Variants in CD200R1L observed in about 807,000 individuals in gnomAD.
CD200R1L encodes CD200 receptor 1 like, also known as cell surface glycoprotein CD200 receptor 2.
Under a neutral mutation model 24.8 loss-of-function variants are expected in CD200R1L, and 14 were observed. The ratio of observed to expected loss-of-function variants is 0.56; its 90% CI spans 0.37 to 0.88. The LOEUF (loss-of-function observed/expected upper bound fraction) is 0.88. Among genes scored for constraint, CD200R1L ranks in the 40% least tolerant of loss-of-function variants. The pLI, the probability that CD200R1L is intolerant of heterozygous loss-of-function variation, is 0.00. For missense variants in CD200R1L, 299 were observed against 297.8 expected, an observed-to-expected ratio of 1.00 and a Z score of -0.03; for synonymous variants, 111 against 109.2, an observed-to-expected ratio of 1.02 and a Z score of -0.11.
chr3:112,816,905 C>T (rs563757528), intron 7 of CD200R1L, among the ~76,000 whole-genome samples: 2 of 152,256 alleles, frequency 1.3e-5, no homozygotes, highest in African/African-American at 4.8e-5. Context: ...CTCTCTTTGC[C>T]TGTCACCATG....
chr3:112,826,892 G>C (rs1020584036), intron 6 of CD200R1L, 101 bp downstream of exon 6: 67 of 1,339,058 alleles, frequency 5.0e-5, no homozygotes, highest in Admixed American at 7.2e-5. Flanking sequence ...TTTCAAGCTA[G>C]GAGCTCAAAT....
At chr3:112,830,063 C>A (rs956507274) in intron 3 of CD200R1L, among the ~76,000 whole-genome samples, 2 of 152,192 alleles carry the variant, frequency 1.3e-5, no homozygotes, top group African/African-American at 4.8e-5. Context: ...TCTTACACAC[C>A]ACAGCTCTAT....
At chr3:112,836,872 A>G (rs1453143069) in intron 3 of CD200R1L, among the ~76,000 whole-genome samples, 1 of 152,206 alleles carries the variant, frequency 6.6e-6, no homozygotes, top group Non-Finnish European at 1.5e-5. Flanking sequence ...TAACTTTGTC[A>G]GGATTTGATA....
At position 112,827,050 on chromosome 3, in the gene CD200R1L, TCA is replaced by T. The variant is rs1559922113; in HGVS notation, c.557_558del (p.Val186AspfsTer87). ...TCPWEGHKST[V>X]TCHVSHLTGN... ...CCAGTCAAATGGGAGACATGGCAGG[TCA>T]CAGTAGACTTGTGGCCCTCCCAGGG... is the stretch of plus-strand genomic sequence containing the variant. On this transcript the variant is annotated frameshift_variant, in exon 6 of 8. Transcript: ENST00000488794. LOFTEE classifies it high-confidence loss of function. 6.2e-7 allele frequency: 1 copy of T among 1,606,920 alleles called. No homozygotes were observed. The highest frequency in any genetic ancestry group is 8.5e-7 in the Non-Finnish European group (1 of 1,176,546).
chr3:112,837,008 G>A (rs948462274), intron 3 of CD200R1L, among the ~76,000 whole-genome samples: 1 of 152,130 alleles, frequency 6.6e-6, no homozygotes, highest in Non-Finnish European at 1.5e-5. Context: ...CTCTTACATA[G>A]CAATCTAAGG....
rs951105512 is a variant in CD200R1L, at chr3:112,829,385, C to T, written c.-17-1G>A. 2.5e-6 allele frequency: 4 copies of T among 1,613,390 alleles called. No homozygotes were observed. Among genetic ancestry groups the T allele is most frequent in the Non-Finnish European group, 3.4e-6 (4 of 1,179,386 alleles). ...CCACCCATGCATGAACTACTTGAAG[C>T]TAGAAAACATTTAGAGAAGAATAAG... On this transcript the variant is annotated splice_acceptor_variant, in intron 3 of 7. Coordinates refer to ENST00000488794, the MANE Select transcript of CD200R1L (RefSeq NM_001199215.3). LOFTEE classifies it low-confidence loss of function (5UTR_SPLICE).
intron 3 of CD200R1L, among the ~76,000 whole-genome samples, chr3:112,834,856 G>A (rs918212037): frequency 6.6e-6 from 1 of 152,234 alleles, no homozygotes; most frequent in Non-Finnish European, 1.5e-5. Flanking sequence ...CCAGCTCCCT[G>A]CAAGGCTGCA....
chr3:112,838,440 G>A (rs2037820), intron 2 of CD200R1L, among the ~76,000 whole-genome samples: 1 of 150,240 alleles, frequency 6.7e-6, no homozygotes, highest in Admixed American at 6.6e-5. Flanking sequence ...CTAGAACAAT[G>A]CCTGTTTCAA....
chr3:112,841,913 C>T (rs1402984475), intron 2 of CD200R1L, among the ~76,000 whole-genome samples: 1 of 152,218 alleles, frequency 6.6e-6, no homozygotes, highest in Non-Finnish European at 1.5e-5. Flanking sequence ...GAGGAGCCCC[C>T]ACTCTCAGAA....
At chr3:112,838,648 T>G (rs1485652831) in intron 2 of CD200R1L, among the ~76,000 whole-genome samples, 1 of 152,204 alleles carries the variant, frequency 6.6e-6, no homozygotes, top group Non-Finnish European at 1.5e-5. Flanking sequence ...CATTTAATGG[T>G]CTACCTTGGT....
Position 112,845,853 on chromosome 3 carries a change from A to G in CD200R1L, c.-261T>C, listed in dbSNP as rs1019742140. On this transcript the variant is annotated 5_prime_UTR_variant, in exon 2 of 8. Coordinates refer to ENST00000488794, the MANE Select transcript of CD200R1L (RefSeq NM_001199215.3). ...TATTCTGTCTTCAACAGGATTGCAA[A>G]ACATATTTCTTCATTATCTTGCTTA... 8.7e-6 allele frequency: 6 copies of G among 687,308 alleles called. No homozygotes were observed. The Admixed American group carries it at 9.9e-5, about 11-fold the overall frequency. The allele number at this position is 687,308 out of a possible 1,614,324, so 42.6% of individuals were successfully genotyped here.
intron 2 of CD200R1L, among the ~76,000 whole-genome samples, chr3:112,842,010 G>A (rs189645536): frequency 6.6e-6 from 1 of 152,352 alleles, no homozygotes; most frequent in East Asian, 1.9e-4. Context: ...TAAGGGTTTA[G>A]CCTGTTGGCC....
At chr3:112,840,192 T>A (rs1333105711) in intron 2 of CD200R1L, among the ~76,000 whole-genome samples, 2 of 152,206 alleles carry the variant, frequency 1.3e-5, no homozygotes, top group African/African-American at 4.8e-5. Flanking sequence ...GGGCTCTGTG[T>A]GTGTTGGTCA....
At chr3:112,835,675 T>C (rs1226991723) in intron 3 of CD200R1L, among the ~76,000 whole-genome samples, 2 of 152,222 alleles carry the variant, frequency 1.3e-5, no homozygotes, top group African/African-American at 4.8e-5. Flanking sequence ...CTTCATGGTG[T>C]CCATGCTGTT....
chr3:112,833,937 T>G (rs1222115231), intron 3 of CD200R1L, among the ~76,000 whole-genome samples: 1 of 152,136 alleles, frequency 6.6e-6, no homozygotes, highest in African/African-American at 2.4e-5. Flanking sequence ...AGAGATAAAC[T>G]CATAAGCAGT....
intron 2 of CD200R1L, among the ~76,000 whole-genome samples, chr3:112,839,590 C>A (rs1159182235): frequency 6.6e-6 from 1 of 152,158 alleles, no homozygotes; most frequent in Non-Finnish European, 1.5e-5. Flanking sequence ...TTCCAGATAC[C>A]AAAACTTATC....
At chr3:112,829,091 C>G (rs763561811) in intron 4 of CD200R1L, among the ~76,000 whole-genome samples, 1 of 152,216 alleles carries the variant, frequency 6.6e-6, no homozygotes, top group African/African-American at 2.4e-5. Context: ...TAAATCCACG[C>G]TCCTTCCAGC....
chr3:112,831,221 A>G (rs993844835), intron 3 of CD200R1L, among the ~76,000 whole-genome samples: 4 of 152,134 alleles, frequency 2.6e-5, no homozygotes, highest in African/African-American at 9.6e-5. Context: ...TTGCAACTCA[A>G]ACATTTGATA....
At chr3:112,840,537 C>T (rs760325621) in intron 2 of CD200R1L, among the ~76,000 whole-genome samples, 33 of 152,306 alleles carry the variant, frequency 2.2e-4, no homozygotes, top group Non-Finnish European at 3.7e-4. Context: ...TCACCTCCCA[C>T]GAGACCCCAC....
Sources: allele counts gnomAD v4.1 joint callset (sites outside exome capture counted in the v4.1 genomes callset), GRCh38; gene constraint gnomAD v4.1.1; transcripts MANE v1.5; gene names NCBI Gene and HGNC (gene_info 2026-07-23, HGNC 2026-07-21).